SGCZ: variants seen among roughly 807,000 people sequenced by gnomAD.
SGCZ encodes sarcoglycan zeta.
In SGCZ, 40 loss-of-function variants were observed where a neutral mutation model predicts 41.3. The observed-to-expected ratio is 0.97, with a 90% CI of 0.75 to 1.26. The LOEUF (loss-of-function observed/expected upper bound fraction) is 1.26. Ranked by LOEUF, SGCZ falls within the 50% of genes most tolerant of loss-of-function variation. SGCZ has a pLI of 0.00. For synonymous variants in SGCZ, 206 were observed against 137.5 expected (o/e 1.50, Z -3.49); for missense variants, 552 against 369.8 (o/e 1.49, Z -4.04).
chr8:14,680,006 T>C (rs11988333), intron 1 of SGCZ, among the ~76,000 whole-genome samples: 85,838 of 152,010 alleles, frequency 0.56, 25,782 homozygotes, highest in East Asian at 0.76. Flanking sequence ...ATGCAGTCGA[T>C]GTGTGTAGTA....
At chr8:14,937,585 T>C (rs1800125459) in intron 1 of SGCZ, among the ~76,000 whole-genome samples, 1 of 152,012 alleles carries the variant, frequency 6.6e-6, no homozygotes, top group South Asian at 2.1e-4. Context: ...CCAAACTAAC[T>C]CATGAACATA....
At chr8:14,634,636 C>T (rs1200657976) in intron 1 of SGCZ, among the ~76,000 whole-genome samples, 2 of 151,796 alleles carry the variant, frequency 1.3e-5, no homozygotes, top group Non-Finnish European at 2.9e-5. Flanking sequence ...AGTAAAACCA[C>T]TGAGGTCTCC....
At chr8:15,181,181 T>C (rs17609976) in intron 1 of SGCZ, among the ~76,000 whole-genome samples, 2,937 of 152,204 alleles carry the variant, frequency 0.019, 75 homozygotes, top group East Asian at 0.097. Context: ...ACAGGAAAAA[T>C]GTTTATTAAA....
chr8:14,744,858 G>A (rs113449923), intron 1 of SGCZ, among the ~76,000 whole-genome samples: 298 of 152,180 alleles, frequency 2.0e-3, no homozygotes, highest in African/African-American at 6.5e-3. Context: ...AGGGACTATC[G>A]TCTTCTCTTC....
chr8:14,629,192 G>T (rs567978479), intron 1 of SGCZ, among the ~76,000 whole-genome samples: 1 of 152,026 alleles, frequency 6.6e-6, no homozygotes, highest in African/African-American at 2.4e-5. Flanking sequence ...CAGATATATG[G>T]CAGCCTTCCA....
chr8:14,600,882 C>T (rs35277779), intron 1 of SGCZ, among the ~76,000 whole-genome samples: 59,024 of 150,968 alleles, frequency 0.39, 12,546 homozygotes, highest in Middle Eastern at 0.48. Flanking sequence ...TAAAATAGAC[C>T]TCAAGCCTTC....
At chr8:14,133,174 A>T (rs1803093574) in intron 5 of SGCZ, among the ~76,000 whole-genome samples, 1 of 152,170 alleles carries the variant, frequency 6.6e-6, no homozygotes, top group South Asian at 2.1e-4. Context: ...TCTTTTGTGA[A>T]CATGTATCTT....
chr8:14,957,069 G>GA (rs1800816557), intron 1 of SGCZ, among the ~76,000 whole-genome samples: 1 of 151,956 alleles, frequency 6.6e-6, no homozygotes, highest in Admixed American at 6.6e-5. Flanking sequence ...AAGTATAAGA[G>GA]AAAAATTAAA....
chr8:14,311,606 T>C (rs1048519997), intron 3 of SGCZ, among the ~76,000 whole-genome samples: 15 of 152,206 alleles, frequency 9.9e-5, no homozygotes, highest in African/African-American at 3.6e-4. Flanking sequence ...TAATTTACCC[T>C]TGTTTATATT....
chr8:14,854,553 A>T (rs1198703171), intron 1 of SGCZ, among the ~76,000 whole-genome samples: 2 of 152,184 alleles, frequency 1.3e-5, no homozygotes, highest in Non-Finnish European at 2.9e-5. Context: ...TGTTTTCATA[A>T]TAGGAAGCCA....
intron 1 of SGCZ, among the ~76,000 whole-genome samples, chr8:14,996,841 G>C (rs144706466): frequency 1.3e-5 from 2 of 152,152 alleles, no homozygotes; most frequent in African/African-American, 2.4e-5. Flanking sequence ...TTCACCACTT[G>C]GATCCTTGGC....
intron 1 of SGCZ, among the ~76,000 whole-genome samples, chr8:14,587,448 T>C (rs889483067): frequency 6.6e-6 from 1 of 151,484 alleles, no homozygotes. Flanking sequence ...AAGGCAGGAA[T>C]ATGGCTTAAG....
intron 2 of SGCZ, among the ~76,000 whole-genome samples, chr8:14,476,236 C>T (rs1585565788): frequency 6.6e-6 from 1 of 152,096 alleles, no homozygotes; most frequent in South Asian, 2.1e-4. Flanking sequence ...AAAAGAGGTC[C>T]CCTCTCACCA....
chr8:14,816,440 C>T (rs1801905042), intron 1 of SGCZ, among the ~76,000 whole-genome samples: 1 of 152,170 alleles, frequency 6.6e-6, no homozygotes, highest in Admixed American at 6.5e-5. Context: ...ATGTTATATT[C>T]ACTGATTTCT....
intron 1 of SGCZ, among the ~76,000 whole-genome samples, chr8:14,559,363 A>AC (rs1410974725): frequency 1.3e-5 from 2 of 152,038 alleles, no homozygotes; most frequent in Non-Finnish European, 2.9e-5. Context: ...CAAATCAAGA[A>AC]CTCGACCCCT....
chr8:14,508,615 A>C (rs1316291230), intron 2 of SGCZ, among the ~76,000 whole-genome samples: 1 of 152,200 alleles, frequency 6.6e-6, no homozygotes, highest in Admixed American at 6.5e-5. Flanking sequence ...TTGGTGGGTC[A>C]CTAACTTTCC....
At chr8:15,221,826 A>G (rs1400562562) in intron 1 of SGCZ, among the ~76,000 whole-genome samples, 1 of 152,132 alleles carries the variant, frequency 6.6e-6, no homozygotes, top group East Asian at 1.9e-4. Context: ...GAAACACTGC[A>G]TTTCGTTTTG....
At chr8:14,740,180 T>C (rs982228910) in intron 1 of SGCZ, among the ~76,000 whole-genome samples, 3 of 152,060 alleles carry the variant, frequency 2.0e-5, no homozygotes, top group Admixed American at 6.6e-5. Flanking sequence ...TTGACTTTAA[T>C]ACATCTCCTG....
At chr8:14,411,845 C>T (rs1799369188) in intron 2 of SGCZ, among the ~76,000 whole-genome samples, 1 of 152,046 alleles carries the variant, frequency 6.6e-6, no homozygotes, top group Admixed American at 6.6e-5. Context: ...CAGTAAAAAA[C>T]ACTTCCAAAC....
Sources: allele counts gnomAD v4.1 joint callset (sites outside exome capture counted in the v4.1 genomes callset), GRCh38; gene constraint gnomAD v4.1.1; transcripts MANE v1.5; gene names NCBI Gene and HGNC (gene_info 2026-07-23, HGNC 2026-07-21).